Variants in PALM2AKAP2 observed in about 807,000 individuals in gnomAD.
The protein encoded by PALM2AKAP2 is PALM2-AKAP2 fusion protein.
PALM2AKAP2 carries 37 observed loss-of-function variants against 71.5 expected under a neutral mutation model. The ratio of observed to expected loss-of-function variants is 0.52; its 90% confidence interval spans 0.40 to 0.68. The LOEUF (loss-of-function observed/expected upper bound fraction) is 0.68. Among genes scored for constraint, PALM2AKAP2 ranks in the 30% least tolerant of loss-of-function variants. The pLI, the probability that PALM2AKAP2 is intolerant of heterozygous loss-of-function variation, is 0.00. For synonymous variants in PALM2AKAP2, 468 were observed against 478.8 expected, an observed-to-expected ratio of 0.98 and a Z score of 0.29; for missense variants, 1,224 against 1,191.8, an observed-to-expected ratio of 1.03 and a Z score of -0.40.
chr9:109,712,202 C>T (rs986725864), intron 1 of PALM2AKAP2, among the ~76,000 whole-genome samples: 11 of 151,992 alleles, frequency 7.2e-5, no homozygotes, highest in Admixed American at 1.3e-4. Context: ...ATTCTGAGGC[C>T]GAAGTTCATT....
intron 7 of PALM2AKAP2, among the ~76,000 whole-genome samples, chr9:110,032,463 C>T (rs970528019): frequency 2.6e-5 from 4 of 151,920 alleles, no homozygotes; most frequent in African/African-American, 4.8e-5. Flanking sequence ...GAGGCTGAGG[C>T]GGGCAGATCA....
At chr9:109,755,000 C>A (rs28546267) in intron 1 of PALM2AKAP2, among the ~76,000 whole-genome samples, 46,166 of 151,666 alleles carry the variant, frequency 0.3, 7,158 homozygotes, top group Middle Eastern at 0.4. Flanking sequence ...TGTGTATAAG[C>A]AAGTTCTGCT....
chr9:109,749,873 C>A (rs1828859402), intron 1 of PALM2AKAP2, among the ~76,000 whole-genome samples: 2 of 152,134 alleles, frequency 1.3e-5, no homozygotes, highest in African/African-American at 4.8e-5. Context: ...TGTTTAGAAG[C>A]CTTGGATAAT....
chr9:109,857,956 ATTG>A (rs1187049606), intron 1 of PALM2AKAP2, among the ~76,000 whole-genome samples: 8 of 152,368 alleles, frequency 5.3e-5, no homozygotes, highest in African/African-American at 1.4e-4. Context: ...ACACAACTGA[ATTG>A]TTGTTGCATG....
At chr9:109,840,690 A>T (rs796777149) in intron 1 of PALM2AKAP2, among the ~76,000 whole-genome samples, 1 of 152,222 alleles carries the variant, frequency 6.6e-6, no homozygotes, top group African/African-American at 2.4e-5. Context: ...AAACAACCCA[A>T]TCAACACGTG....
intron 3 of PALM2AKAP2, among the ~76,000 whole-genome samples, chr9:109,894,289 A>G (rs971009987): frequency 6.6e-6 from 1 of 152,226 alleles, no homozygotes; most frequent in Admixed American, 6.5e-5. Context: ...CAGTCAGCCA[A>G]GATCGCACCA....
At chr9:110,057,346 TC>T (rs1437493262) in intron 1 of PALM2AKAP2, among the ~76,000 whole-genome samples, 1 of 151,586 alleles carries the variant, frequency 6.6e-6, no homozygotes, top group Non-Finnish European at 1.5e-5. Flanking sequence ...AGGTCAGTTT[TC>T]CTACCCAGCT....
At chr9:109,924,124 G>A (rs1450133371) in intron 4 of PALM2AKAP2, among the ~76,000 whole-genome samples, 3 of 152,196 alleles carry the variant, frequency 2.0e-5, no homozygotes, top group African/African-American at 7.2e-5. Context: ...GATATGCCTT[G>A]TGCCTGAAAA....
At chr9:109,845,447 C>G (rs1345142885) in intron 1 of PALM2AKAP2, among the ~76,000 whole-genome samples, 1 of 152,222 alleles carries the variant, frequency 6.6e-6, no homozygotes, top group Non-Finnish European at 1.5e-5. Flanking sequence ...CTAGGCTGTG[C>G]TAATATTACT....
chr9:109,838,964 G>A (rs1484014924), intron 1 of PALM2AKAP2, among the ~76,000 whole-genome samples: 1 of 152,198 alleles, frequency 6.6e-6, no homozygotes, highest in African/African-American at 2.4e-5. Flanking sequence ...GTACAAGGAG[G>A]AGCTGGTACC....
intron 1 of PALM2AKAP2, among the ~76,000 whole-genome samples, chr9:109,788,442 A>T (rs1827023826): frequency 6.6e-6 from 1 of 152,216 alleles, no homozygotes; most frequent in African/African-American, 2.4e-5. Context: ...ACGTTAGTGC[A>T]TTAGGATCAC....
chr9:110,048,838 GGGAGC>G lies in PALM2AKAP2; in HGVS notation c.142_146del (p.Ser48AlafsTer10). 1 of 1,529,224 alleles carries G rather than the reference GGGAGC, an allele frequency of 6.5e-7. No homozygotes were observed. The highest frequency in any genetic ancestry group is 8.7e-7 in the Non-Finnish European group (1 of 1,144,158). The allele number at this position is 1,529,224 out of a possible 1,614,324, so 94.7% of individuals were successfully genotyped here. ...AGCAGAACCCCAGGACTGCGCCCCCGGGAGCGGGCGCCCAGAGGTGGGTGTCCAAG... is the reference window on the plus strand; with the variant it reads ...AGCAGAACCCCAGGACTGCGCCCCCGGGGCGCCCAGAGGTGGGTGTCCAAG... On this transcript the variant is annotated frameshift_variant, in exon 1 of 4. Coordinates refer to ENST00000374525, the Ensembl canonical transcript of PALM2AKAP2. LOFTEE classifies it high-confidence loss of function.
At chr9:109,664,637 C>T (rs1407909085) in intron 1 of PALM2AKAP2, among the ~76,000 whole-genome samples, 3 of 152,186 alleles carry the variant, frequency 2.0e-5, no homozygotes, top group Non-Finnish European at 4.4e-5. Flanking sequence ...TCCTTCATTT[C>T]AACCTTGGTG....
intron 1 of PALM2AKAP2, among the ~76,000 whole-genome samples, chr9:109,688,051 C>T (rs1439756327): frequency 6.6e-6 from 1 of 152,184 alleles, no homozygotes; most frequent in African/African-American, 2.4e-5. Context: ...TGGTTTGTAG[C>T]ACCCCGAAAC....
intron 1 of PALM2AKAP2, among the ~76,000 whole-genome samples, chr9:110,053,168 G>A (rs1421470067): frequency 6.6e-6 from 1 of 152,184 alleles, no homozygotes; most frequent in Admixed American, 6.5e-5. Context: ...TCGTGCTCCT[G>A]TCTCCCATCT....
chr9:110,156,191 C>T (rs1836450341), intron 2 of PALM2AKAP2, 128 bp from the exon 9 acceptor site: 1 of 1,326,880 alleles, frequency 7.5e-7, no homozygotes, highest in East Asian at 2.5e-5. Flanking sequence ...AAATGGCCTA[C>T]ACTTAACCAT....
chr9:109,883,570 A>G (rs1373374527), intron 3 of PALM2AKAP2, among the ~76,000 whole-genome samples: 1 of 152,190 alleles, frequency 6.6e-6, no homozygotes, highest in East Asian at 1.9e-4. Context: ...CATCTTCTCT[A>G]CCACAATGGT....
At position 109,943,471 on chromosome 9, in the gene PALM2AKAP2, C is replaced by T. The variant is rs374503564; in HGVS notation, c.496+11443C>T. Reference sequence around the variant, plus strand: ...CTTCTGGGCAGCCTGTACTCTCCACCACTCACGTAGACCTCACTGTACCAC... The same window carrying T: ...CTTCTGGGCAGCCTGTACTCTCCACTACTCACGTAGACCTCACTGTACCAC... On this transcript the variant is annotated intron_variant, in intron 6 of 9. Coordinates refer to the PALM2AKAP2 transcript ENST00000302798. 18 of 1,550,664 alleles carry T rather than the reference C, an allele frequency of 1.2e-5. No homozygotes were observed. The African/African-American group carries it at 1.9e-4, about 17-fold the overall frequency.
chr9:109,650,902 T>C (rs527930350), intron 1 of PALM2AKAP2, among the ~76,000 whole-genome samples: 2 of 152,364 alleles, frequency 1.3e-5, no homozygotes, highest in South Asian at 4.1e-4. Flanking sequence ...ACAAATCTGT[T>C]GTTATTATAT....
Sources: allele counts gnomAD v4.1 joint callset (sites outside exome capture counted in the v4.1 genomes callset), GRCh38; gene constraint gnomAD v4.1.1; transcripts MANE v1.5; gene names NCBI Gene and HGNC (gene_info 2026-07-23, HGNC 2026-07-21).